Variants in ZBBX observed in about 807,000 individuals in gnomAD.
ZBBX encodes zinc finger B-box domain-containing protein 1.
A neutral mutation model predicts 108.5 loss-of-function variants in ZBBX; 101 were observed. The ratio of observed to expected loss-of-function variants is 0.93; its 90% CI spans 0.79 to 1.10. ZBBX has a LOEUF of 1.10. Ranked by LOEUF, ZBBX falls within the 50% of genes least tolerant of loss-of-function variation. ZBBX has a pLI of 0.00. For missense variants in ZBBX, 1,009 were observed against 941.4 expected (o/e 1.07, Z -0.94); for synonymous variants, 356 against 323.4 (o/e 1.10, Z -1.08).
chr3:167,344,304 G>T (rs536974811), intron 9 of ZBBX, among the ~76,000 whole-genome samples: 17 of 151,956 alleles, frequency 1.1e-4, no homozygotes, highest in African/African-American at 3.6e-4. Context: ...GTTTCACTTA[G>T]CAGTAACCAT....
chr3:167,321,652 ACAGTTTCTAG>A (rs1736470021), intron 12 of ZBBX, among the ~76,000 whole-genome samples: 1 of 152,064 alleles, frequency 6.6e-6, no homozygotes, highest in African/African-American at 2.4e-5. Flanking sequence ...ATATTTTGCC[ACAGTTTCTAG>A]CTGATTGTAT....
chr3:167,355,504 C>T (rs1262779996), intron 8 of ZBBX, among the ~76,000 whole-genome samples: 1 of 151,798 alleles, frequency 6.6e-6, no homozygotes, highest in Non-Finnish European at 1.5e-5. Flanking sequence ...CTCCCATACA[C>T]AATTTTCCCT....
intron 17 of ZBBX, among the ~76,000 whole-genome samples, chr3:167,301,979 AC>A (rs1395697441): frequency 6.8e-6 from 1 of 147,536 alleles, no homozygotes; most frequent in African/African-American, 2.5e-5. Flanking sequence ...AAAAAAAAAA[AC>A]CTAGACATAT....
At chr3:167,329,282 A>C (rs896716052) in intron 10 of ZBBX, among the ~76,000 whole-genome samples, 12 of 152,232 alleles carry the variant, frequency 7.9e-5, no homozygotes, top group African/African-American at 2.9e-4. Flanking sequence ...TGGATTACCT[A>C]CACTGGTCAA....
chr3:167,210,798 T>C, the ZBBX span, among the ~76,000 whole-genome samples: 1 of 152,150 alleles, frequency 6.6e-6, no homozygotes, highest in Non-Finnish European at 1.5e-5. Context: ...AAAGGCTGAA[T>C]ACTAGAATAC....
rs141071691 is a variant in ZBBX, at chr3:167,341,711, T to C, written c.529-7726A>G. On this transcript the variant is annotated intron_variant, in intron 9 of 21. Transcript: ENST00000675490. ...TATCTTAGCAAGTACTTGCAATTTT[T>C]TTCAACTAATATTACAAGTATGTTG... 6.3e-3 allele frequency among the ~76,000 whole-genome samples: 958 copies of C among 152,126 alleles called. 11 individuals carry two copies. Among genetic ancestry groups the C allele is most frequent in the African/African-American group, 0.022 (903 of 41,570 alleles).
At chr3:167,195,977 G>A in the ZBBX span, among the ~76,000 whole-genome samples, 3 of 152,110 alleles carry the variant, frequency 2.0e-5, no homozygotes, top group Non-Finnish European at 4.4e-5. Flanking sequence ...AATATTTGGG[G>A]TATATCTGAA....
chr3:167,387,806 C>T (rs1388170747), intron 1 of ZBBX, among the ~76,000 whole-genome samples: 1 of 151,918 alleles, frequency 6.6e-6, no homozygotes, highest in Admixed American at 6.6e-5. Context: ...TATCAATGGA[C>T]TTGGAATTAA....
chr3:167,317,131 A>G (rs1433512714), intron 13 of ZBBX, 26 bp from the exon 14 acceptor site: 4 of 1,394,980 alleles, frequency 2.9e-6, no homozygotes, highest in Non-Finnish European at 3.0e-6. Context: ...CACAAATAAT[A>G]TCATCAAAGA....
intron 6 of ZBBX, 26 bp downstream of exon 6, chr3:167,365,860 A>C: frequency 6.5e-7 from 1 of 1,528,214 alleles, no homozygotes; most frequent in Non-Finnish European, 9.0e-7. Flanking sequence ...AGCAAAATGC[A>C]TAAGAATCAA....
At chr3:167,348,373 A>AGAAAG (rs1246072923) in intron 9 of ZBBX, among the ~76,000 whole-genome samples, 1 of 139,538 alleles carries the variant, frequency 7.2e-6, no homozygotes, top group African/African-American at 2.7e-5. Context: ...AGAAAGAAAA[A>AGAAAG]AAAGAAAAGA....
intron 1 of ZBBX, among the ~76,000 whole-genome samples, chr3:167,394,409 A>G (rs1748168970): frequency 6.6e-6 from 1 of 152,020 alleles, no homozygotes. Context: ...AGCCACATGC[A>G]TATGGACACA....
chr3:167,369,398 T>C (rs188194378), intron 4 of ZBBX, among the ~76,000 whole-genome samples: 12 of 152,306 alleles, frequency 7.9e-5, no homozygotes, highest in Non-Finnish European at 1.5e-4. Flanking sequence ...AGGAGAAATC[T>C]TTCTAGAGGT....
the ZBBX span, among the ~76,000 whole-genome samples, chr3:167,203,575 C>G: frequency 6.6e-6 from 1 of 151,896 alleles, no homozygotes; most frequent in Admixed American, 6.6e-5. Flanking sequence ...TTATATTCTT[C>G]TTAATTTTAA....
At chr3:167,388,213 G>A (rs1747978318) in intron 1 of ZBBX, among the ~76,000 whole-genome samples, 2 of 151,922 alleles carry the variant, frequency 1.3e-5, no homozygotes, top group African/African-American at 4.8e-5. Context: ...AGTCTGGAAT[G>A]TTTCTAGAAG....
chr3:167,386,159 G>GA (rs1293643057), intron 1 of ZBBX, among the ~76,000 whole-genome samples: 1 of 151,298 alleles, frequency 6.6e-6, no homozygotes, highest in African/African-American at 2.4e-5. Context: ...GGTAAAAAAA[G>GA]AAAAAATAAA....
chr3:167,268,441 G>C (rs1392309489), intron 20 of ZBBX, among the ~76,000 whole-genome samples: 3 of 151,884 alleles, frequency 2.0e-5, no homozygotes, highest in Non-Finnish European at 4.4e-5. Flanking sequence ...AAGACCCCTG[G>C]TGGGACAATA....
At chr3:167,375,232 A>C (rs942197035) in intron 2 of ZBBX, among the ~76,000 whole-genome samples, 15 of 152,318 alleles carry the variant, frequency 9.8e-5, no homozygotes, top group Admixed American at 9.8e-4. Context: ...AGACTATCTT[A>C]TATTTCAACG....
intron 15 of ZBBX, 69 bp from the exon 16 acceptor site, chr3:167,314,185 T>A (rs1324228595): frequency 7.4e-7 from 1 of 1,358,914 alleles, no homozygotes; most frequent in African/African-American, 1.5e-5. Context: ...ATTTTAAAAG[T>A]CCCAAGTCAT....
Sources: allele counts gnomAD v4.1 joint callset (sites outside exome capture counted in the v4.1 genomes callset), GRCh38; gene constraint gnomAD v4.1.1; transcripts MANE v1.5; gene names NCBI Gene and HGNC (gene_info 2026-07-23, HGNC 2026-07-21).